The following MAPK10 variants were observed in gnomAD, a reference collection of about 807,000 sequenced individuals.
The protein encoded by MAPK10 is JNK3 alpha protein kinase.
A neutral mutation model predicts 59.3 loss-of-function variants in MAPK10; 25 were observed. The ratio of observed to expected loss-of-function variants is 0.42; its 90% CI spans 0.31 to 0.59. The LOEUF is 0.59. Among genes scored for constraint, MAPK10 ranks in the 20% least tolerant of loss-of-function variants. The pLI is 0.15. For missense variants in MAPK10, 351 were observed against 568.9 expected (o/e 0.62, Z 3.90); for synonymous variants, 190 against 200.5 (o/e 0.95, Z 0.44).
chr4:86,464,520 A>C (rs1025606731), intron 1 of MAPK10, among the ~76,000 whole-genome samples: 1 of 152,252 alleles, frequency 6.6e-6, no homozygotes, highest in Non-Finnish European at 1.5e-5. Context: ...ACAGCAGTTA[A>C]GAGTAGAATG....
chr4:86,250,783 C>T (rs893301229), intron 2 of MAPK10, among the ~76,000 whole-genome samples: 1 of 152,098 alleles, frequency 6.6e-6, no homozygotes, highest in Non-Finnish European at 1.5e-5. Context: ...CAAGGAAACA[C>T]GTTCTCAAAG....
chr4:86,291,368 A>G (rs2095222172), intron 2 of MAPK10, among the ~76,000 whole-genome samples: 2 of 152,224 alleles, frequency 1.3e-5, no homozygotes, highest in Admixed American at 1.3e-4. Context: ...CGAGTCGGCC[A>G]ATGCCAGATA....
chr4:86,532,644 T>C (rs1034268212), intron 1 of MAPK10, among the ~76,000 whole-genome samples: 13 of 152,238 alleles, frequency 8.5e-5, no homozygotes, highest in African/African-American at 3.1e-4. Flanking sequence ...TGAACTCTTA[T>C]CTTTTCCCTC....
At chr4:86,221,828 G>A (rs888941516) in intron 2 of MAPK10, among the ~76,000 whole-genome samples, 2 of 152,198 alleles carry the variant, frequency 1.3e-5, no homozygotes, top group African/African-American at 4.8e-5. Context: ...CCTAGTGTTG[G>A]AGGTGGGACT....
intron 1 of MAPK10, among the ~76,000 whole-genome samples, chr4:86,496,750 T>G (rs1754899065): frequency 6.6e-6 from 1 of 152,188 alleles, no homozygotes; most frequent in African/African-American, 2.4e-5. Context: ...TATTTTCCGA[T>G]GACAATTAAT....
chr4:86,207,114 C>T (rs1460987861), intron 2 of MAPK10, among the ~76,000 whole-genome samples: 27 of 151,000 alleles, frequency 1.8e-4, no homozygotes, highest in Non-Finnish European at 3.4e-4. Flanking sequence ...GACATGAAGT[C>T]CTTGCCCATG....
intron 9 of MAPK10, among the ~76,000 whole-genome samples, chr4:86,070,667 T>G (rs866650299): frequency 1.1e-4 from 17 of 151,446 alleles, no homozygotes; most frequent in South Asian, 2.1e-4. Context: ...TTGCAATAGT[T>G]TACTGAGAAT....
At chr4:86,570,122 A>G (rs1387126265) in intron 1 of MAPK10, among the ~76,000 whole-genome samples, 1 of 152,200 alleles carries the variant, frequency 6.6e-6, no homozygotes, top group Non-Finnish European at 1.5e-5. Flanking sequence ...CTTAGCACCT[A>G]TAATGTGCCA....
chr4:86,163,119 T>C (rs1412226129), intron 3 of MAPK10, among the ~76,000 whole-genome samples: 2 of 152,112 alleles, frequency 1.3e-5, no homozygotes, highest in Admixed American at 6.6e-5. Flanking sequence ...CTCAAATAAT[T>C]GGTAAAAGTC....
At chr4:86,551,434 C>T (rs1006992850) in intron 1 of MAPK10, among the ~76,000 whole-genome samples, 1 of 152,280 alleles carries the variant, frequency 6.6e-6, no homozygotes, top group South Asian at 2.1e-4. Flanking sequence ...TTGTCAAGAT[C>T]ATTCCTAATT....
At position 86,064,360 on chromosome 4, in the gene MAPK10, A is replaced by T; in HGVS notation, c.1016T>A (p.Met339Lys). 1 of 1,614,152 alleles carries T rather than the reference A, an allele frequency of 6.2e-7. No homozygotes were observed. The highest frequency in any genetic ancestry group is 8.5e-7 in the Non-Finnish European group (1 of 1,179,978). Residue 339 changes from methionine (M) to lysine (K), a missense_variant, in exon 11 of 14, where the codon ATG (methionine) becomes AAG (lysine). By Grantham distance (95) the Met-to-Lys change is moderately conservative (BLOSUM62 -1). Transcript: ENST00000641462. ...TCTTTTTGCTGGGTCAATCACTAGC[A>T]TCTTTGACAACAAGTCCCTGGCTTG... The part of the protein sequence containing the change: ...ASQARDLLSK[M>K]LVIDPAKRIS...
chr4:86,549,186 A>G (rs1759558538), intron 1 of MAPK10, among the ~76,000 whole-genome samples: 2 of 152,202 alleles, frequency 1.3e-5, no homozygotes, highest in African/African-American at 4.8e-5. Context: ...AAATTATCCA[A>G]AGTTTCAATT....
chr4:86,030,366 T>C (rs533133472), intron 12 of MAPK10, among the ~76,000 whole-genome samples: 5 of 152,160 alleles, frequency 3.3e-5, no homozygotes, highest in Non-Finnish European at 7.3e-5. Flanking sequence ...AGACTTTCTC[T>C]GTCACCCAGG....
intron 1 of MAPK10, among the ~76,000 whole-genome samples, chr4:86,542,004 G>T (rs966279123): frequency 1.3e-5 from 2 of 148,574 alleles, no homozygotes; most frequent in African/African-American, 5.0e-5. Context: ...TGGGGAAAAA[G>T]AAAGAAATAA....
intron 1 of MAPK10, among the ~76,000 whole-genome samples, chr4:86,444,095 A>G (rs1167664369): frequency 6.6e-6 from 1 of 152,174 alleles, no homozygotes; most frequent in African/African-American, 2.4e-5. Flanking sequence ...CAACAACTAC[A>G]AAAGGTGTAA....
In MAPK10 at chr4:86,527,292, A is replaced by T. The variant is rs1285844915; in HGVS notation, c.-263+66618T>A. On this transcript the variant is annotated intron_variant, in intron 1 of 4. Coordinates refer to the MAPK10 transcript ENST00000502302. ...GTCCCACTGTACTCCAGCCTGAGCA[A>T]CAGAGTGAGACACTGTTGCCAAAAA... Among the ~76,000 whole-genome samples, 4 of 142,410 alleles carry T rather than the reference A, an allele frequency of 2.8e-5. No individual in the cohort carries two copies. In the East Asian group the frequency reaches 8.6e-4, roughly 31 times the overall value. 93.4% of individuals were successfully genotyped at this position (142,410 alleles called of 152,430 possible).
intron 3 of MAPK10, among the ~76,000 whole-genome samples, chr4:86,170,244 C>T (rs1166835856): frequency 2.0e-5 from 3 of 151,894 alleles, no homozygotes; most frequent in Non-Finnish European, 4.4e-5. Context: ...CTAAATGGTC[C>T]AATTAAAAGA....
At chr4:86,074,245 G>A (rs1051339290) in intron 9 of MAPK10, among the ~76,000 whole-genome samples, 1 of 141,398 alleles carries the variant, frequency 7.1e-6, no homozygotes, top group South Asian at 2.2e-4. Flanking sequence ...CCATTGGCTT[G>A]GTAGATCTTC....
At chr4:86,465,037 G>A (rs986921417) in intron 1 of MAPK10, among the ~76,000 whole-genome samples, 13 of 152,220 alleles carry the variant, frequency 8.5e-5, no homozygotes, top group Admixed American at 2.0e-4. Flanking sequence ...ATTATCCAGC[G>A]ATGCCCAACT....
Sources: gnomAD v4.1 joint callset for allele counts (sites outside exome capture counted in the v4.1 genomes callset) on GRCh38, gnomAD v4.1.1 for gene constraint, MANE v1.5 for transcripts, NCBI Gene and HGNC (gene_info 2026-07-23, HGNC 2026-07-21) for gene names.